Variants in BRAF observed in about 807,000 individuals in gnomAD.
BRAF encodes serine/threonine-protein kinase B-raf.
Under a neutral mutation model 104.6 loss-of-function variants are expected in BRAF, and 16 were observed. The observed-to-expected ratio is 0.15, with a 90% CI of 0.10 to 0.23. The LOEUF is 0.23. Ranked by LOEUF, BRAF falls within the 10% of genes least tolerant of loss-of-function variation. The pLI is 1.00. For synonymous variants in BRAF, 310 were observed against 341.6 expected, an observed-to-expected ratio of 0.91 and a Z score of 1.02; for missense variants, 541 against 937.3, an observed-to-expected ratio of 0.58 and a Z score of 5.52.
At chr7:140,743,165 C>T (rs1226739232) in intron 17 of BRAF, among the ~76,000 whole-genome samples, 23 of 151,374 alleles carry the variant, frequency 1.5e-4, no homozygotes, top group Admixed American at 9.9e-4. Flanking sequence ...GTCAGTGTGG[C>T]GATTCCTCAG....
Position 140,739,812 on chromosome 7 carries a change from T to C in BRAF, c.2247A>G (p.Gln749=). The C allele has an allele frequency of 6.2e-7, 1 of 1,612,146 alleles. No homozygotes were observed. The highest frequency in any genetic ancestry group is 8.5e-7 in the Non-Finnish European group (1 of 1,179,926). Residue 749 remains glutamine (Q), a splice_region_variant and synonymous_variant, in exon 18 of 20, where the codon CAA becomes CAG. Transcript: ENST00000644969. ...KKRDERPLFP[Q]ILASIELLAR... ...TGGATAGCATGAAGCTTTTACTTACTTGGGGAAAGAGTGGTCTCTCATCTC... is the reference window on the plus strand; with the variant it reads ...TGGATAGCATGAAGCTTTTACTTACCTGGGGAAAGAGTGGTCTCTCATCTC...
intron 2 of BRAF, among the ~76,000 whole-genome samples, chr7:140,845,616 T>C (rs999793931): frequency 1.3e-5 from 2 of 152,058 alleles, no homozygotes; most frequent in Non-Finnish European, 2.9e-5. Flanking sequence ...ATCAGGAAAA[T>C]GCAAATCAGC....
At chr7:140,894,800 C>G (rs941762202) in intron 1 of BRAF, among the ~76,000 whole-genome samples, 2 of 151,938 alleles carry the variant, frequency 1.3e-5, no homozygotes, top group African/African-American at 4.8e-5. Context: ...AAAAAAGAAA[C>G]TCAGCTCACA....
At chr7:140,801,356 A>T in intron 6 of BRAF, 56 bp downstream of exon 6, 1 of 1,587,958 alleles carries the variant, frequency 6.3e-7, no homozygotes, top group Middle Eastern at 1.7e-4. Context: ...GCTTCACATT[A>T]AGAAAATTTA....
chr7:140,738,934 T>G (rs528464587), intron 18 of BRAF, among the ~76,000 whole-genome samples: 2 of 151,746 alleles, frequency 1.3e-5, no homozygotes, highest in Non-Finnish European at 2.9e-5. Context: ...TTTTTGAAAT[T>G]TGTTAACTTA....
intron 17 of BRAF, chr7:140,749,085 T>C (rs1210680669): frequency 1.8e-6 from 1 of 559,950 alleles, no homozygotes; most frequent in East Asian, 3.3e-5. Flanking sequence ...TATTCCATTG[T>C]AACATTCATG....
intron 7 of BRAF, among the ~76,000 whole-genome samples, chr7:140,798,587 T>C (rs1472187327): frequency 1.4e-5 from 2 of 142,962 alleles, no homozygotes; most frequent in Admixed American, 1.4e-4. Flanking sequence ...TTTTAAAGCA[T>C]GTGCTTCCAG....
chr7:140,724,137 A>C lies in BRAF; in HGVS notation c.*2357T>G. 1 of 1,054,050 alleles carries C rather than the reference A, an allele frequency of 9.5e-7. No homozygotes were observed. Among genetic ancestry groups the C allele is most frequent in the Non-Finnish European group, 1.1e-6 (1 of 872,194 alleles). 65.3% of individuals were successfully genotyped at this position (1,054,050 alleles called of 1,614,324 possible). On this transcript the variant is annotated 3_prime_UTR_variant, in exon 20 of 20. Coordinates refer to ENST00000644969, the MANE Select transcript of BRAF (RefSeq NM_001374258.1). Reference sequence around the variant, plus strand: ...TATTCTAAAATGCAAGGGAAGAAAAAGTGTATCACCCTGAATATTGTTTAA... The same window carrying C: ...TATTCTAAAATGCAAGGGAAGAAAACGTGTATCACCCTGAATATTGTTTAA...
chr7:140,921,607 AGT>A (rs2129149339), intron 1 of BRAF, among the ~76,000 whole-genome samples: 1 of 152,262 alleles, frequency 6.6e-6, no homozygotes, highest in Admixed American at 6.5e-5. Context: ...AAAACTACAT[AGT>A]GTTATAAAAG....
At chr7:140,906,244 C>T (rs1816317850) in intron 1 of BRAF, among the ~76,000 whole-genome samples, 1 of 151,714 alleles carries the variant, frequency 6.6e-6, no homozygotes, top group African/African-American at 2.4e-5. Flanking sequence ...GTCTGTTGCC[C>T]AGGCTGGTGT....
intron 12 of BRAF, 67 bp from the exon 12 acceptor site, chr7:140,778,142 G>A (rs1800512085): frequency 5.5e-6 from 8 of 1,461,320 alleles, no homozygotes; most frequent in Non-Finnish European, 7.6e-6. Context: ...AAACATTCTT[G>A]GGTGTTTTCA....
intron 3 of BRAF, among the ~76,000 whole-genome samples, chr7:140,832,839 T>C (rs1178180495): frequency 2.6e-5 from 4 of 152,152 alleles, no homozygotes; most frequent in Non-Finnish European, 5.9e-5. Context: ...AAATTTCTCT[T>C]GGCCTCTCTC....
chr7:140,779,665 C>T (rs1183669959), intron 12 of BRAF: 1 of 152,172 alleles, frequency 6.6e-6, no homozygotes, highest in Non-Finnish European at 1.5e-5. Context: ...AGGTGTGCTG[C>T]CTCACACCTG....
chr7:140,753,403 A>C lies in BRAF; in HGVS notation c.1862-10T>G, dbSNP rs730880411. On this transcript the variant is annotated splice_polypyrimidine_tract_variant and intron_variant, in intron 15 of 19. Coordinates refer to ENST00000644969, the MANE Select transcript of BRAF (RefSeq NM_001374258.1). ...TCATGAAGAAATATATCTGAGGTGT[A>C]GTAAGTAAAGGAAAACAGTAGATCT... 8.5e-6 allele frequency: 13 copies of C among 1,534,882 alleles called. No individual in the cohort carries two copies. Among genetic ancestry groups the C allele is most frequent in the Middle Eastern group, 1.7e-4 (1 of 5,916 alleles).
At chr7:140,840,934 C>T (rs1307857729) in intron 2 of BRAF, among the ~76,000 whole-genome samples, 11 of 151,730 alleles carry the variant, frequency 7.2e-5, no homozygotes, top group East Asian at 2.0e-4. Context: ...AGGCTGATCT[C>T]GAACTCCTGG....
intron 15 of BRAF, chr7:140,753,763 A>G (rs1797977238): frequency 3.3e-6 from 1 of 306,812 alleles, no homozygotes; most frequent in African/African-American, 2.2e-5. Context: ...GATGCTGCAG[A>G]TAGTATCTTA....
At chr7:140,737,171 G>A (rs1796513344) in intron 18 of BRAF, among the ~76,000 whole-genome samples, 1 of 151,940 alleles carries the variant, frequency 6.6e-6, no homozygotes, top group Non-Finnish European at 1.5e-5. Flanking sequence ...TCTTATTATA[G>A]TAAACATTCT....
chr7:140,885,414 A>C (rs2129108294), intron 1 of BRAF, among the ~76,000 whole-genome samples: 1 of 152,314 alleles, frequency 6.6e-6, no homozygotes, highest in African/African-American at 2.4e-5. Context: ...TTGGAATATC[A>C]TACATCCTAT....
chr7:140,865,813 A>T (rs1810903136), intron 1 of BRAF, among the ~76,000 whole-genome samples: 1 of 152,190 alleles, frequency 6.6e-6, no homozygotes, highest in African/African-American at 2.4e-5. Flanking sequence ...ATATTCATGA[A>T]ATCAATAAGC....
Sources: gnomAD v4.1 joint callset for allele counts (sites outside exome capture counted in the v4.1 genomes callset) on GRCh38, gnomAD v4.1.1 for gene constraint, MANE v1.5 for transcripts, NCBI Gene and HGNC (gene_info 2026-07-23, HGNC 2026-07-21) for gene names.